MGAT4C: variants seen among roughly 807,000 people sequenced by gnomAD.
MGAT4C encodes the protein alpha-1,3-mannosyl-glycoprotein 4-beta-N-acetylglucosaminyltransferase C.
In MGAT4C, 19 loss-of-function variants were observed where a neutral mutation model predicts 40.1. That is an observed-to-expected ratio of 0.47 (90% CI 0.33 to 0.70). The LOEUF (loss-of-function observed/expected upper bound fraction) is 0.70. Ranked by LOEUF, MGAT4C falls within the 30% of genes least tolerant of loss-of-function variation. The pLI is 0.02. For missense variants in MGAT4C, 491 were observed against 563.2 expected (o/e 0.87, Z 1.30); for synonymous variants, 181 against 187.1 (o/e 0.97, Z 0.27).
chr12:86,779,540 T>C (rs1565984801), intron 1 of MGAT4C, among the ~76,000 whole-genome samples: 2 of 151,996 alleles, frequency 1.3e-5, no homozygotes, highest in African/African-American at 4.8e-5. Context: ...AGTTTGAGGC[T>C]GCAGTGAGCC....
intron 2 of MGAT4C, among the ~76,000 whole-genome samples, chr12:86,019,107 G>C (rs1286668244): frequency 6.6e-6 from 1 of 152,070 alleles, no homozygotes; most frequent in East Asian, 1.9e-4. Flanking sequence ...ATGTCAGCAA[G>C]AGTACAGGAA....
chr12:85,981,465 CAG>C (rs1295073180), intron 4 of MGAT4C, among the ~76,000 whole-genome samples: 5 of 152,184 alleles, frequency 3.3e-5, no homozygotes, highest in Admixed American at 6.5e-5. Flanking sequence ...AACAGTTTGT[CAG>C]AGAGATTGTG....
intron 1 of MGAT4C, among the ~76,000 whole-genome samples, chr12:86,778,312 G>A (rs571935462): frequency 3.9e-5 from 6 of 152,228 alleles, no homozygotes; most frequent in South Asian, 2.1e-4. Flanking sequence ...AATAAGCTGC[G>A]TAAATAAAGA....
chr12:86,311,381 C>T (rs56402829), intron 4 of MGAT4C, among the ~76,000 whole-genome samples: 12,969 of 152,208 alleles, frequency 0.085, 767 homozygotes, highest in Middle Eastern at 0.22. Context: ...ACGGGGTCAC[C>T]GGTGCATATG....
At chr12:86,381,139 T>A (rs1317699207) in intron 3 of MGAT4C, among the ~76,000 whole-genome samples, 1 of 152,080 alleles carries the variant, frequency 6.6e-6, no homozygotes, top group Non-Finnish European at 1.5e-5. Flanking sequence ...ACCACTATAG[T>A]TGGAATCATG....
chr12:86,097,529 C>A (rs1387456578), intron 1 of MGAT4C, among the ~76,000 whole-genome samples: 2 of 151,472 alleles, frequency 1.3e-5, no homozygotes, highest in African/African-American at 4.8e-5. Flanking sequence ...AAAAATACTC[C>A]ATTTGCAAAG....
intron 1 of MGAT4C, among the ~76,000 whole-genome samples, chr12:86,228,274 C>T (rs1951176312): frequency 6.6e-6 from 1 of 151,552 alleles, no homozygotes; most frequent in South Asian, 2.1e-4. Context: ...GAGGATAAAA[C>T]CAAAGGGAAT....
At chr12:86,536,865 TG>T (rs1309123164) in intron 2 of MGAT4C, among the ~76,000 whole-genome samples, 4 of 152,250 alleles carry the variant, frequency 2.6e-5, no homozygotes, top group East Asian at 1.9e-4. Context: ...ATCCCATTAC[TG>T]GGTATATACC....
intron 2 of MGAT4C, among the ~76,000 whole-genome samples, chr12:86,509,344 C>A (rs1442181938): frequency 1.3e-5 from 2 of 152,120 alleles, no homozygotes; most frequent in Admixed American, 6.6e-5. Context: ...TTGTTTTTCT[C>A]AGGTTTGTCA....
intron 1 of MGAT4C, among the ~76,000 whole-genome samples, chr12:86,781,895 A>G (rs1209064094): frequency 1.3e-5 from 2 of 150,096 alleles, no homozygotes; most frequent in Non-Finnish European, 3.0e-5. Context: ...AAGTGTTTTT[A>G]TACAAAAATT....
rs537990224 is a variant in MGAT4C, at chr12:86,447,270, C to A, written c.-228-12005G>T. Reference sequence around the variant, plus strand: ...CCTCCCGAGTAGCTGGGATTACAGGCATGTGCCACCACTCCTGGCTAATTT... The same window carrying A: ...CCTCCCGAGTAGCTGGGATTACAGGAATGTGCCACCACTCCTGGCTAATTT... On this transcript the variant is annotated intron_variant, in intron 2 of 7. Coordinates refer to the MGAT4C transcript ENST00000548651. Among the ~76,000 whole-genome samples, 10 of 152,246 alleles carry A rather than the reference C, an allele frequency of 6.6e-5. No homozygotes were observed. The East Asian group carries it at 1.9e-3, about 30-fold the overall frequency.
intron 1 of MGAT4C, among the ~76,000 whole-genome samples, chr12:86,837,135 T>C (rs970024527): frequency 6.6e-6 from 1 of 152,088 alleles, no homozygotes; most frequent in African/African-American, 2.4e-5. Context: ...GCAATCTCAC[T>C]TTTTTAATGC....
At chr12:85,999,927 G>A (rs954134503) in intron 2 of MGAT4C, among the ~76,000 whole-genome samples, 2 of 152,154 alleles carry the variant, frequency 1.3e-5, no homozygotes, top group African/African-American at 4.8e-5. Context: ...GGAAGTATAA[G>A]TTCTTGCAGT....
chr12:86,000,702 A>G (rs1295627477), intron 2 of MGAT4C, among the ~76,000 whole-genome samples: 1 of 152,192 alleles, frequency 6.6e-6, no homozygotes, highest in Admixed American at 6.5e-5. Context: ...ATTTGATAAC[A>G]TTTTAAGTAA....
At chr12:86,800,177 G>A (rs1290885489) in intron 1 of MGAT4C, among the ~76,000 whole-genome samples, 1 of 151,874 alleles carries the variant, frequency 6.6e-6, no homozygotes, top group Non-Finnish European at 1.5e-5. Flanking sequence ...GAAGAAAGCA[G>A]AGTATTTCTC....
chr12:86,774,281 C>CTCTTTCTTTCTT (rs6144795), intron 1 of MGAT4C, among the ~76,000 whole-genome samples: 2,284 of 58,890 alleles, frequency 0.039, 287 homozygotes, highest in African/African-American at 0.081. Flanking sequence ...CTAAGGCTTG[C>CTCTTTCTTTCTT]TCTTTCTTTC....
At chr12:86,321,700 G>GGA (rs1954393310) in intron 4 of MGAT4C, among the ~76,000 whole-genome samples, 1 of 152,074 alleles carries the variant, frequency 6.6e-6, no homozygotes, top group Non-Finnish European at 1.5e-5. Flanking sequence ...TTAGAATGGC[G>GGA]ATCATTAACA....
At chr12:86,401,622 A>T (rs1407549258) in intron 3 of MGAT4C, among the ~76,000 whole-genome samples, 1 of 152,160 alleles carries the variant, frequency 6.6e-6, no homozygotes, top group Non-Finnish European at 1.5e-5. Flanking sequence ...AGAAGTTTTC[A>T]GTTTTTGGTT....
At chr12:86,456,287 A>T (rs1226097154) in intron 2 of MGAT4C, among the ~76,000 whole-genome samples, 1 of 150,678 alleles carries the variant, frequency 6.6e-6, no homozygotes, top group Non-Finnish European at 1.5e-5. Context: ...AAAATCTGAT[A>T]AAAAAAATTT....
Sources: gnomAD v4.1 joint callset for allele counts (sites outside exome capture counted in the v4.1 genomes callset) on GRCh38, gnomAD v4.1.1 for gene constraint, MANE v1.5 for transcripts, NCBI Gene and HGNC (gene_info 2026-07-23, HGNC 2026-07-21) for gene names.